Variants in RGS11 observed in about 807,000 individuals in gnomAD.
The protein encoded by RGS11 is regulator of G protein signaling 11.
RGS11 carries 86 observed loss-of-function variants against 71.1 expected under a neutral mutation model. The observed-to-expected ratio is 1.21, with a 90% CI of 1.02 to 1.45. The LOEUF is 1.45. RGS11 is among the 40% of genes most tolerant of loss of function. The probability of loss-of-function intolerance (pLI) is 0.00; values close to 1 mark genes in which losing one functional copy is unlikely to be tolerated. For missense variants in RGS11, 734 were observed against 635.1 expected (o/e 1.16, Z -1.67); for synonymous variants, 298 against 254.2 (o/e 1.17, Z -1.64).
rs577307318 is a variant in RGS11, at chr16:272,873, C to T, written c.647G>A (p.Arg216His). 49 of 1,540,580 alleles carry T rather than the reference C, an allele frequency of 3.2e-5. No homozygotes were observed. Among genetic ancestry groups the T allele is most frequent in the African/African-American group, 1.1e-4 (8 of 73,020 alleles). The change falls in exon 9 of 17, where the codon CGT (arginine) becomes CAT (histidine). Residue 216 changes from arginine (R) to histidine (H), a missense_variant. Transcript: ENST00000397770. The part of the protein sequence containing the change: ...GPGRGSCAAS[R>H]VLMTKSADFH... ...CACGCAGGGGCTCACCATGAGCACACGGCTGGCAGCGCAGGATCCCCGCCC... is the reference window on the plus strand; with the variant it reads ...CACGCAGGGGCTCACCATGAGCACATGGCTGGCAGCGCAGGATCCCCGCCC...
At chr16:270,683 G>T in intron 14 of RGS11, 22 bp from the exon 15 acceptor site, 1 of 1,609,948 alleles carries the variant, frequency 6.2e-7, no homozygotes, top group Non-Finnish European at 8.5e-7. Context: ...GACAGCACTG[G>T]GTAGTCTCGG....
chr16:275,072 G>A lies in RGS11; in HGVS notation c.222C>T (p.His74=), dbSNP rs2141428251. The A allele has an allele frequency of 6.8e-7, 1 of 1,480,902 alleles. No individual in the cohort carries two copies. Among genetic ancestry groups the A allele is most frequent in the East Asian group, 2.4e-5 (1 of 40,822 alleles). The allele number at this position is 1,480,902 out of a possible 1,614,324, so 91.7% of individuals were successfully genotyped here. The part of the protein sequence containing the change: ...KFCVSEEEAL[H]LGAVLVQHGY... ...CATGCTGCACCAGGACGGCGCCCAG[G>A]TGCAGGGCCTCTGGGGAGGGGTGGG... Residue 74 remains histidine (H), a synonymous_variant, in exon 4 of 17, where the codon CAC becomes CAT. Coordinates refer to ENST00000397770, the MANE Select transcript of RGS11 (RefSeq NM_183337.3).
In RGS11 at chr16:274,264, G is replaced by A. The variant is rs373649420; in HGVS notation, c.320C>T (p.Thr107Ile). Residue 107 changes from threonine (T) to isoleucine (I), a missense_variant and splice_region_variant, in exon 5 of 17, where the codon ACC becomes ATC. Coordinates refer to ENST00000397770, the MANE Select transcript of RGS11 (RefSeq NM_183337.3). ...CAGGGTACTTGTCCAGAAGTACGGG[G>A]TCTGGCGTGGTGCAGGGAGAAGGTG... is the stretch of plus-strand genomic sequence containing the variant. ...RPDETPYRFQ[T>I]PYFWTSTLRP... The A allele has an allele frequency of 9.1e-5, 147 of 1,609,612 alleles. No homozygotes were observed. The Middle Eastern group carries it at 4.5e-3, about 49-fold the overall frequency.
At chr16:269,741 C>G (rs1334042512) in intron 15 of RGS11, 156 bp from the exon 16 acceptor site, 1 of 609,232 alleles carries the variant, frequency 1.6e-6, no homozygotes. Context: ...CCTGCCCAGA[C>G]CAAGGCAGAC....
In RGS11 at chr16:271,060, G is replaced by T. The variant is rs766246382; in HGVS notation, c.903C>A (p.Gly301=). The change falls in exon 13 of 17, where the codon GGC becomes GGA. Residue 301 remains glycine (G), a synonymous_variant. Coordinates refer to ENST00000397770, the MANE Select transcript of RGS11 (RefSeq NM_183337.3). ...CCTCCAGGAGCTCCCGGAAGCTGAA[G>T]CCCCATCTCTCCACACGGAGCTTCG... is the stretch of plus-strand genomic sequence containing the variant. ...APTKLRVERW[G]FSFRELLEDP... 4.4e-5 allele frequency: 71 copies of T among 1,612,508 alleles called. 1 individual carries two copies. The Middle Eastern group carries it at 1.2e-3, about 26-fold the overall frequency.
At position 271,479 on chromosome 16, in the gene RGS11, G is replaced by A; in HGVS notation, c.688-19C>T. The A allele has an allele frequency of 6.2e-7, 1 of 1,613,970 alleles. No individual in the cohort carries two copies. Among genetic ancestry groups the A allele is most frequent in the Non-Finnish European group, 8.5e-7 (1 of 1,180,000 alleles). ...ACTCGATCTAGGATGTGGGGCCTGT[G>A]AGTCAGGTCCCGGGCTGGGGAAGGC... On this transcript the variant is annotated intron_variant, in intron 10 of 16. Coordinates refer to ENST00000397770, the MANE Select transcript of RGS11 (RefSeq NM_183337.3).
At chr16:273,198 G>A (rs1310410181) in intron 8 of RGS11, among the ~76,000 whole-genome samples, 13 of 152,032 alleles carry the variant, frequency 8.6e-5, no homozygotes, top group Admixed American at 2.0e-4. Context: ...GCCTGCTCCC[G>A]AGGCAGAGTC....
Position 275,693 on chromosome 16 carries a change from C to CT in RGS11, c.63+155_63+156insA, listed in dbSNP as rs2052148645. 3.2e-5 allele frequency: 11 copies of CT among 347,500 alleles called. No homozygotes were observed. In the East Asian group the frequency reaches 5.4e-4, roughly 17 times the overall value. The allele number at this position is 347,500 out of a possible 1,614,324, so 21.5% of individuals were successfully genotyped here. On this transcript the variant is annotated intron_variant, in intron 1 of 16. Coordinates refer to ENST00000397770, the MANE Select transcript of RGS11 (RefSeq NM_183337.3). Reference sequence around the variant, plus strand: ...GGGCCGGGGAGACCCCGGAGACCCCCAAGGGCCCCAGGCCTCGCCGCCCCT... The same window carrying CT: ...GGGCCGGGGAGACCCCGGAGACCCCCTAAGGGCCCCAGGCCTCGCCGCCCCT...
rs372810328 is a variant in RGS11, at chr16:275,366, G to A, written c.161-33C>T. On this transcript the variant is annotated intron_variant, in intron 2 of 16. Transcript: ENST00000397770. ...GGAGAGACAGAGGTGGAGGGAGGCC[G>A]AGGCGCGCACGCACCCCCGCCCCGG... 1.0e-4 allele frequency: 165 copies of A among 1,610,976 alleles called. 1 individual carries two copies. The African/African-American group carries it at 1.8e-3, about 18-fold the overall frequency.
chr16:273,017 T>C lies in RGS11; in HGVS notation c.589-86A>G, dbSNP rs59150874. The stretch of plus-strand genomic sequence containing the variant: ...CTAAGTTCCCCCTCCCAGACCCCCA[T>C]GTGGAAACTGACACTCAAAGGAACT... On this transcript the variant is annotated intron_variant, in intron 8 of 16. Transcript: ENST00000397770. 7,072 of 1,239,366 alleles carry C rather than the reference T, an allele frequency of 5.7e-3. 305 individuals are homozygous for C. In the African/African-American group the frequency reaches 0.094, roughly 16 times the overall value. 76.8% of individuals were successfully genotyped at this position (1,239,366 alleles called of 1,614,324 possible).
Position 275,892 on chromosome 16 carries a change from G to A in RGS11, c.20C>T (p.Pro7Leu). The A allele has an allele frequency of 5.4e-6, 5 of 927,864 alleles. No individual in the cohort carries two copies. Among genetic ancestry groups the A allele is most frequent in the Non-Finnish European group, 6.6e-6 (5 of 759,540 alleles). 57.5% of individuals were successfully genotyped at this position (927,864 alleles called of 1,614,324 possible). A position where few individuals can be genotyped will look rare whatever the true frequency, so the allele number is the denominator to read the frequency against. The part of the protein sequence containing the change: MAAGPA[P>L]PPGRPRAQMP... ...CTGCGCCCGGGGGCGGCCGGGGGGC[G>A]GCGCGGGGCCGGCGGCCATGGCTGC... The change falls in exon 1 of 17, where the codon CCG (proline) becomes CTG (leucine). Residue 7 changes from proline (P) to leucine (L), a missense_variant. By Grantham distance (98) the Pro-to-Leu change is moderately conservative. Transcript: ENST00000397770.
At position 273,750 on chromosome 16, in the gene RGS11, G is replaced by C. The variant is rs552857265; in HGVS notation, c.506+10C>G. Reference sequence around the variant, plus strand: ...GCCTGCAGGCGGGGCGGGGCAGGGCGGGGCCTCACCTCAGCTGCTCCCTCG... The same window carrying C: ...GCCTGCAGGCGGGGCGGGGCAGGGCCGGGCCTCACCTCAGCTGCTCCCTCG... On this transcript the variant is annotated intron_variant, in intron 7 of 16. Coordinates refer to ENST00000397770, the MANE Select transcript of RGS11 (RefSeq NM_183337.3). The C allele has an allele frequency of 1.2e-5, 20 of 1,610,288 alleles. No homozygotes were observed. Among genetic ancestry groups the C allele is most frequent in the Non-Finnish European group, 1.6e-5 (19 of 1,178,000 alleles).
chr16:273,739 C>G (rs12050960), intron 7 of RGS11, 21 bp downstream of exon 7: 2 of 1,594,494 alleles, frequency 1.3e-6, no homozygotes, highest in South Asian at 1.1e-5. Context: ...GCAGGCGGGG[C>G]GGGGCAGGGC....
Position 274,073 on chromosome 16 carries a change from T to C in RGS11, c.399A>G (p.Arg133=), listed in dbSNP as rs145343374. Residue 133 remains arginine, a synonymous_variant, in exon 6 of 17, where the codon CGA becomes CGG. Coordinates refer to ENST00000397770, the MANE Select transcript of RGS11 (RefSeq NM_183337.3). The part of the protein sequence containing the change: ...YAIYLAKKNI[R]KRGTLVDYEK... ...CATAATCCACCAGGGTCCCCCGTTT[T>C]CGGATGTTCTTCTTGGCCAGGTAGA... 6.4e-7 allele frequency: 1 copy of C among 1,551,148 alleles called. No homozygotes were observed. Among genetic ancestry groups the C allele is most frequent in the Non-Finnish European group, 8.7e-7 (1 of 1,147,214 alleles).
chr16:274,799 G>C (rs1417817559), intron 4 of RGS11, 177 bp downstream of exon 4: 1 of 863,634 alleles, frequency 1.2e-6, no homozygotes, highest in Non-Finnish European at 1.9e-6. Flanking sequence ...CACCACATCC[G>C]TACTTGCGGT....
At chr16:272,150 T>C in intron 9 of RGS11, 1 of 1,143,408 alleles carries the variant, frequency 8.7e-7, no homozygotes, top group Non-Finnish European at 1.1e-6. Flanking sequence ...ATGTCACATT[T>C]TCAAATGTAC....
rs373956773 is a variant in RGS11, at chr16:273,733, G to A, written c.506+27C>T. The A allele has an allele frequency of 5.0e-6, 8 of 1,592,852 alleles. No homozygotes were observed. In the African/African-American group the frequency reaches 1.1e-4, roughly 21 times the overall value. Reference sequence around the variant, plus strand: ...GGTAGCCTGGGTTGGGCGCCTGCAGGCGGGGCGGGGCAGGGCGGGGCCTCA... The same window carrying A: ...GGTAGCCTGGGTTGGGCGCCTGCAGACGGGGCGGGGCAGGGCGGGGCCTCA... On this transcript the variant is annotated intron_variant, in intron 7 of 16. Transcript: ENST00000397770.
At chr16:270,916 C>T (rs932313123) in intron 13 of RGS11, 68 bp downstream of exon 13, 18 of 1,574,132 alleles carry the variant, frequency 1.1e-5, no homozygotes, top group African/African-American at 1.1e-4. Flanking sequence ...TGGTGGAAAC[C>T]GAGGCGGGAG....
rs983324295 is a variant in RGS11 at position 273,756 on chromosome 16, T to C, written c.506+4A>G. The C allele has an allele frequency of 3.1e-6, 5 of 1,611,284 alleles. No homozygotes were observed. In the Admixed American group the frequency reaches 5.0e-5, roughly 16 times the overall value. ...AGGCGGGGCGGGGCAGGGCGGGGCCTCACCTCAGCTGCTCCCTCGCCTGCA... is the reference window on the plus strand; with the variant it reads ...AGGCGGGGCGGGGCAGGGCGGGGCCCCACCTCAGCTGCTCCCTCGCCTGCA... On this transcript the variant is annotated splice_donor_region_variant and intron_variant, in intron 7 of 16. Transcript: ENST00000397770.
Sources: gnomAD v4.1 joint callset for allele counts (sites outside exome capture counted in the v4.1 genomes callset) on GRCh38, gnomAD v4.1.1 for gene constraint, MANE v1.5 for transcripts, NCBI Gene and HGNC (gene_info 2026-07-23, HGNC 2026-07-21) for gene names.